ICMT: variants seen among roughly 807,000 people sequenced by gnomAD.
The protein encoded by ICMT is protein-S-isoprenylcysteine O-methyltransferase.
In ICMT, 10 loss-of-function variants were observed where a neutral mutation model predicts 32.2. The ratio of observed to expected loss-of-function variants is 0.31; its 90% CI spans 0.19 to 0.53. The LOEUF (loss-of-function observed/expected upper bound fraction) is 0.53, where lower values mean the gene tolerates loss of function less well. Among genes scored for constraint, ICMT ranks in the 20% least tolerant of loss-of-function variants. The pLI is 0.96. For missense variants in ICMT, 265 were observed against 356.9 expected (o/e 0.74, Z 2.07); for synonymous variants, 183 against 158.2 (o/e 1.16, Z -1.18).
intron 3 of ICMT, among the ~76,000 whole-genome samples, chr1:6,232,828 G>A (rs1214262269): frequency 3.3e-5 from 5 of 150,946 alleles, no homozygotes; most frequent in Non-Finnish European, 7.4e-5. Flanking sequence ...GATTAAAGGC[G>A]TGAGCCACTG....
chr1:6,233,436 C>G (rs1420922747), intron 3 of ICMT, 38 bp downstream of exon 3: 3 of 1,579,012 alleles, frequency 1.9e-6, no homozygotes, highest in Admixed American at 1.8e-5. Context: ...TGGGAGCCAC[C>G]CTTTTCCCCT....
intron 1 of ICMT, among the ~76,000 whole-genome samples, chr1:6,235,231 C>G (rs1668802143): frequency 6.6e-6 from 1 of 152,226 alleles, no homozygotes; most frequent in Non-Finnish European, 1.5e-5. Flanking sequence ...CCTTTTAGGA[C>G]TGCAGTAAGG....
In ICMT at chr1:6,231,943, G is replaced by C; in HGVS notation, c.631C>G (p.Pro211Ala). Residue 211 changes from proline to alanine, a missense_variant, in exon 4 of 5, where the codon CCT becomes GCT. Physicochemically the swap from Pro to Ala is conservative, Grantham distance 27. This residue lies in a region of ICMT where 166 missense variants were observed against 264.3 expected (regional missense o/e 0.63). Transcript: ENST00000343813. ...TSGVYAWFRH[P>A]SYVGWFYWSI... is the part of the protein sequence containing the mutation. ...CAGTAAAACCACCCGACGTAAGAAG[G>C]ATGCCGAAACCAAGCGTACACTCCA... The C allele has an allele frequency of 6.3e-7, 1 of 1,599,252 alleles. No homozygotes were observed. The highest frequency in any genetic ancestry group is 8.6e-7 in the Non-Finnish European group (1 of 1,168,418).
At chr1:6,235,073 T>G in intron 1 of ICMT, 99 bp from the exon 2 acceptor site, 1 of 899,558 alleles carries the variant, frequency 1.1e-6, no homozygotes, top group Non-Finnish European at 1.8e-6. Flanking sequence ...GGCAAGCAGA[T>G]AGAGCCGATT....
Position 6,222,956 on chromosome 1 carries a change from A to G in ICMT, c.*2124T>C, listed in dbSNP as rs1379300860. The G allele has an allele frequency of 6.6e-6, 1 of 152,250 alleles. No individual in the cohort carries two copies. Among genetic ancestry groups the G allele is most frequent in the Non-Finnish European group, 1.5e-5 (1 of 68,054 alleles). The allele number at this position is 152,250 out of a possible 1,614,324, so 9.4% of individuals were successfully genotyped here. ...GACAAGTTTAGAAATGATTCAACTC[A>G]AGTTCCTAAACAGAGTAAGTGCCAG... On this transcript the variant is annotated 3_prime_UTR_variant, in exon 5 of 5. Coordinates refer to ENST00000343813, the MANE Select transcript of ICMT (RefSeq NM_012405.4).
intron 4 of ICMT, among the ~76,000 whole-genome samples, chr1:6,230,618 G>A (rs180845002): frequency 0.047 from 7,063 of 148,914 alleles, 458 homozygotes; most frequent in African/African-American, 0.15. Flanking sequence ...AGCTGGGCAC[G>A]GTGGCTCATG....
intron 4 of ICMT, among the ~76,000 whole-genome samples, chr1:6,228,019 G>A (rs1351739329): frequency 6.6e-6 from 1 of 152,154 alleles, no homozygotes; most frequent in Non-Finnish European, 1.5e-5. Context: ...CAAAAAGTTA[G>A]CTGGGCATGG....
In ICMT at chr1:6,233,330, T is replaced by C; in HGVS notation, c.454+144A>G. ...CAGAATTCATGAGCGGAGCTCATCC[T>C]TTATAAATAGCTTAGTGAGGATAGA... On this transcript the variant is annotated intron_variant, in intron 3 of 4. Transcript: ENST00000343813. 9.6e-6 allele frequency: 7 copies of C among 730,138 alleles called. 1 individual carries two copies. The South Asian group carries it at 1.4e-4, about 14-fold the overall frequency. The allele number at this position is 730,138 out of a possible 1,614,324, so 45.2% of individuals were successfully genotyped here. A position where few individuals can be genotyped will look rare whatever the true frequency, so the allele number is the denominator to read the frequency against.
chr1:6,228,382 G>A (rs1031825563), intron 4 of ICMT, among the ~76,000 whole-genome samples: 2 of 149,722 alleles, frequency 1.3e-5, no homozygotes, highest in South Asian at 2.1e-4. Flanking sequence ...TCGCTCTGTC[G>A]CCCAGGCTGG....
At chr1:6,232,402 G>A (rs1035874833) in intron 3 of ICMT, among the ~76,000 whole-genome samples, 2 of 152,140 alleles carry the variant, frequency 1.3e-5, no homozygotes, top group South Asian at 2.1e-4. Flanking sequence ...CACGACCCCC[G>A]GCCACATGCT....
chr1:6,231,824 T>C lies in ICMT; in HGVS notation c.672+78A>G, dbSNP rs529170244. On this transcript the variant is annotated intron_variant, in intron 4 of 4. Transcript: ENST00000343813. ...TTGTATATTTTGAAATGGTGACTTT[T>C]ATGCTACGTGAATATCACGTTTAAA... is the stretch of plus-strand genomic sequence containing the variant. 6.0e-5 allele frequency: 55 copies of C among 923,240 alleles called. 1 individual carries two copies. In the Admixed American group the frequency reaches 1.1e-3, roughly 18 times the overall value. 57.2% of individuals were successfully genotyped at this position (923,240 alleles called of 1,614,324 possible).
Position 6,221,279 on chromosome 1 carries a change from TAAAC to T in ICMT, c.*3797_*3800del, listed in dbSNP as rs1668542155. The T allele has an allele frequency of 6.6e-6, 1 of 152,614 alleles. No homozygotes were observed. Among genetic ancestry groups the T allele is most frequent in the Non-Finnish European group, 1.5e-5 (1 of 68,034 alleles). 9.5% of individuals were successfully genotyped at this position (152,614 alleles called of 1,614,324 possible). On this transcript the variant is annotated 3_prime_UTR_variant, in exon 5 of 5. Coordinates refer to ENST00000343813, the MANE Select transcript of ICMT (RefSeq NM_012405.4). Reference sequence around the variant, plus strand: ...GAAAATCCAATTTAGAATATTTAAATAAACATTTATGTAAAAAGAAGAGTAGAAT... The same window carrying T: ...GAAAATCCAATTTAGAATATTTAAATATTTATGTAAAAAGAAGAGTAGAAT...
intron 4 of ICMT, among the ~76,000 whole-genome samples, chr1:6,225,845 C>T (rs1668638177): frequency 1.3e-5 from 2 of 152,080 alleles, no homozygotes; most frequent in Admixed American, 1.3e-4. Context: ...GCCCTCCCCA[C>T]GCTGTGCCCA....
At chr1:6,232,589 C>A (rs1405880442) in intron 3 of ICMT, among the ~76,000 whole-genome samples, 2 of 152,366 alleles carry the variant, frequency 1.3e-5, no homozygotes, top group East Asian at 3.9e-4. Flanking sequence ...ACTCTCATTG[C>A]CCAGGCTGGA....
chr1:6,227,548 C>A (rs1206349760), intron 4 of ICMT, among the ~76,000 whole-genome samples: 1 of 152,232 alleles, frequency 6.6e-6, no homozygotes, highest in East Asian at 1.9e-4. Context: ...AGTAAAGAAT[C>A]AAGAAACAGT....
In ICMT at chr1:6,221,546, G is replaced by C. The variant is rs1337173868; in HGVS notation, c.*3534C>G. ...AGGAAGAAAGTGCAGTGAAGGGACA[G>C]TGGTGTGCTGTGCGTATCGTGGGGG... On this transcript the variant is annotated 3_prime_UTR_variant, in exon 5 of 5. Coordinates refer to ENST00000343813, the MANE Select transcript of ICMT (RefSeq NM_012405.4). 2 of 152,758 alleles carry C rather than the reference G, an allele frequency of 1.3e-5. No homozygotes were observed. The highest frequency in any genetic ancestry group is 3.8e-4 in the East Asian group (2 of 5,200). 9.5% of individuals were successfully genotyped at this position (152,758 alleles called of 1,614,324 possible).
chr1:6,226,846 A>G (rs61306245), intron 4 of ICMT, among the ~76,000 whole-genome samples: 17,980 of 152,122 alleles, frequency 0.12, 1,446 homozygotes, highest in African/African-American at 0.23. Flanking sequence ...GAGTAGGGGG[A>G]ACTACAGGCA....
At position 6,225,042 on chromosome 1, in the gene ICMT, A is replaced by G; in HGVS notation, c.*38T>C. 2 of 1,566,458 alleles carry G rather than the reference A, an allele frequency of 1.3e-6. No homozygotes were observed. The highest frequency in any genetic ancestry group is 1.7e-6 in the Non-Finnish European group (2 of 1,151,664). ...GAAACAGTTTTGTCCCAGGCTGCACAGGGTCGGAGGCCCCAAGGTCACCGG... is the reference window on the plus strand; with the variant it reads ...GAAACAGTTTTGTCCCAGGCTGCACGGGGTCGGAGGCCCCAAGGTCACCGG... On this transcript the variant is annotated 3_prime_UTR_variant, in exon 5 of 5. Coordinates refer to ENST00000343813, the MANE Select transcript of ICMT (RefSeq NM_012405.4).
intron 2 of ICMT, among the ~76,000 whole-genome samples, chr1:6,234,026 T>C (rs1411001062): frequency 6.6e-6 from 1 of 152,190 alleles, no homozygotes; most frequent in Non-Finnish European, 1.5e-5. Context: ...TTTTTGTATT[T>C]TTAGTAGAGA....
Sources: gnomAD v4.1 joint callset for allele counts (sites outside exome capture counted in the v4.1 genomes callset) on GRCh38, gnomAD v4.1.1 for gene constraint, gnomAD v4.1.1 regional missense constraint, MANE v1.5 for transcripts, NCBI Gene and HGNC (gene_info 2026-07-23, HGNC 2026-07-21) for gene names.